GPR6: variants seen among roughly 807,000 people sequenced by gnomAD.
GPR6 encodes sphingosine 1-phosphate receptor GPR6.
In GPR6, 14 loss-of-function variants were observed where a neutral mutation model predicts 18.5. The observed-to-expected ratio is 0.76, with a 90% CI of 0.50 to 1.18. The LOEUF (loss-of-function observed/expected upper bound fraction) is 1.18, where lower values mean the gene tolerates loss of function less well. Among genes scored for constraint, GPR6 ranks in the 50% most tolerant of loss-of-function variants. The pLI, the probability that GPR6 is intolerant of heterozygous loss-of-function variation, is 0.00. For synonymous variants in GPR6, 299 were observed against 240.9 expected, an observed-to-expected ratio of 1.24 and a Z score of -2.23; for missense variants, 477 against 495.9, an observed-to-expected ratio of 0.96 and a Z score of 0.36.
In GPR6 at chr6:109,978,380, G is replaced by T. The variant is rs1199683104; in HGVS notation, c.-106G>T. On this transcript the variant is annotated 5_prime_UTR_variant, in exon 1 of 2. Transcript: ENST00000275169. Reference sequence around the variant, plus strand: ...TCCCCGGCCCGGCCGCCTCCTGCAGGCAGCTGCTCTGTTTGCGCGGGGAGC... The same window carrying T: ...TCCCCGGCCCGGCCGCCTCCTGCAGTCAGCTGCTCTGTTTGCGCGGGGAGC... The T allele has an allele frequency of 1.6e-4, 31 of 199,194 alleles. No individual in the cohort carries two copies. The highest frequency in any genetic ancestry group is 2.6e-4 in the Non-Finnish European group (26 of 99,164). The allele number at this position is 199,194 out of a possible 1,614,324, so 12.3% of individuals were successfully genotyped here.
chr6:109,979,210 C>A lies in GPR6; in HGVS notation c.98C>A (p.Thr33Lys). 1 of 1,598,714 alleles carries A rather than the reference C, an allele frequency of 6.3e-7. No individual in the cohort carries two copies. The highest frequency in any genetic ancestry group is 8.5e-7 in the Non-Finnish European group (1 of 1,176,798). The change falls in exon 2 of 2, where the codon ACG becomes AAG. Residue 33 changes from threonine (T) to lysine (K), a missense_variant. By Grantham distance (78) the Thr-to-Lys change is moderately conservative. Transcript: ENST00000275169. ...GCCACAGCAGCAGGGGGGCCGGACA[C>A]GGGCGAATGGGGACCCCCTGCTGCG... The part of the protein sequence containing the change: ...AAATAAGGPD[T>K]GEWGPPAAAA...
Position 109,980,081 on chromosome 6 carries a change from G to T in GPR6, c.969G>T (p.Met323Ile). ...TGCTGCCCGCCACCTACAACTCCAT[G>T]ATCAATCCCATCATCTATGCCTTCC... ...ATLLPATYNS[M>I]INPIIYAFRN... Residue 323 changes from methionine to isoleucine, a missense_variant, in exon 2 of 2, where the codon ATG becomes ATT. By Grantham distance (10) the Met-to-Ile change is conservative. Transcript: ENST00000275169. 6.2e-7 allele frequency: 1 copy of T among 1,614,214 alleles called. No individual in the cohort carries two copies. Among genetic ancestry groups the T allele is most frequent in the South Asian group, 1.1e-5 (1 of 91,088 alleles).
chr6:109,978,923 A>G (rs904476721), intron 1 of GPR6, 172 bp from the exon 2 acceptor site: 1 of 1,520,500 alleles, frequency 6.6e-7, no homozygotes, highest in Admixed American at 1.9e-5. Context: ...CACTCACTCA[A>G]CAGGTATTTA....
chr6:109,980,068 C>T lies in GPR6; in HGVS notation c.956C>T (p.Thr319Ile). 1 of 1,614,186 alleles carries T rather than the reference C, an allele frequency of 6.2e-7. No homozygotes were observed. The highest frequency in any genetic ancestry group is 1.1e-5 in the South Asian group (1 of 91,082). ...VYTYATLLPA[T>I]YNSMINPIIY... Reference sequence around the variant, plus strand: ...ACTTACGCCACCCTGCTGCCCGCCACCTACAACTCCATGATCAATCCCATC... The same window carrying T: ...ACTTACGCCACCCTGCTGCCCGCCATCTACAACTCCATGATCAATCCCATC... Residue 319 changes from threonine to isoleucine, a missense_variant, in exon 2 of 2, where the codon ACC becomes ATC. Physicochemically the swap from Thr to Ile is moderately conservative, Grantham distance 89 (BLOSUM62 -1). Coordinates refer to ENST00000275169, the MANE Select transcript of GPR6 (RefSeq NM_005284.5).
In GPR6 at chr6:109,979,731, T is replaced by A. The variant is rs531180073; in HGVS notation, c.619T>A (p.Trp207Arg). The change falls in exon 2 of 2, where the codon TGG becomes AGG. Residue 207 changes from tryptophan (W) to arginine (R), a missense_variant. Transcript: ENST00000275169. The part of the protein sequence containing the change: ...LGLGLLPVLG[W>R]NCLAERAACS... ...CCTGGGGCTGCTGCCCGTGCTGGGC[T>A]GGAACTGCCTGGCAGAGCGCGCCGC... 6.2e-7 allele frequency: 1 copy of A among 1,604,604 alleles called. No individual in the cohort carries two copies. Among genetic ancestry groups the A allele is most frequent in the South Asian group, 1.1e-5 (1 of 90,896 alleles).
chr6:109,978,669 G>T (rs1770998563), intron 1 of GPR6: 3 of 1,426,730 alleles, frequency 2.1e-6, no homozygotes, highest in African/African-American at 1.4e-5. Context: ...TCCAGGCTTC[G>T]CAATGCCAGA....
In GPR6 at chr6:109,980,074, A is replaced by G. The variant is rs1771051283; in HGVS notation, c.962A>G (p.Asn321Ser). Reference sequence around the variant, plus strand: ...GCCACCCTGCTGCCCGCCACCTACAACTCCATGATCAATCCCATCATCTAT... The same window carrying G: ...GCCACCCTGCTGCCCGCCACCTACAGCTCCATGATCAATCCCATCATCTAT... ...TYATLLPATY[N>S]SMINPIIYAF... is the part of the protein sequence containing the mutation. The change falls in exon 2 of 2, where the codon AAC becomes AGC. Residue 321 changes from asparagine (N) to serine (S), a missense_variant. Physicochemically the swap from Asn to Ser is conservative, Grantham distance 46. Coordinates refer to ENST00000275169, the MANE Select transcript of GPR6 (RefSeq NM_005284.5). 4.3e-6 allele frequency: 7 copies of G among 1,614,096 alleles called. No individual in the cohort carries two copies. Among genetic ancestry groups the G allele is most frequent in the East Asian group, 4.5e-5 (2 of 44,842 alleles).
chr6:109,979,846 A>G lies in GPR6; in HGVS notation c.734A>G (p.Tyr245Cys), dbSNP rs141502466. ...FMVFGIMLHLYVRICQVVWRH... is the reference protein window; with the variant it reads ...FMVFGIMLHLCVRICQVVWRH... ...GTCTTCGGCATCATGCTGCACCTGT[A>G]CGTGCGCATCTGCCAGGTGGTCTGG... Residue 245 changes from tyrosine to cysteine, a missense_variant, in exon 2 of 2, where the codon TAC becomes TGC. Transcript: ENST00000275169. The G allele has an allele frequency of 1.2e-5, 20 of 1,607,956 alleles. No individual in the cohort carries two copies. The highest frequency in any genetic ancestry group is 1.6e-5 in the Non-Finnish European group (19 of 1,179,714).
At chr6:109,978,678 GA>G in intron 1 of GPR6, 1 of 1,485,982 alleles carries the variant, frequency 6.7e-7, no homozygotes, top group Non-Finnish European at 9.0e-7. Flanking sequence ...CGCAATGCCA[GA>G]AACTTCGCTT....
Position 109,980,005 on chromosome 6 carries a change from A to G in GPR6, c.893A>G (p.Tyr298Cys). The G allele has an allele frequency of 2.5e-6, 4 of 1,613,438 alleles. No homozygotes were observed. The highest frequency in any genetic ancestry group is 3.4e-6 in the Non-Finnish European group (4 of 1,180,022). Reference protein sequence around the residue: ...FGASWLPFAIYCVVGSHEDPA... With the variant: ...FGASWLPFAICCVVGSHEDPA... ...GCCAGCTGGCTGCCCTTCGCCATCT[A>G]TTGCGTGGTGGGCAGCCATGAGGAC... The change falls in exon 2 of 2, where the codon TAT (tyrosine) becomes TGT (cysteine). Residue 298 changes from tyrosine (Y) to cysteine (C), a missense_variant. Transcript: ENST00000275169.
In GPR6 at chr6:109,980,096, C is replaced by G; in HGVS notation, c.984C>G (p.Ile328Met). Residue 328 changes from isoleucine to methionine, a missense_variant, in exon 2 of 2, where the codon ATC (isoleucine) becomes ATG (methionine). By Grantham distance (10) the Ile-to-Met change is conservative. Coordinates refer to ENST00000275169, the MANE Select transcript of GPR6 (RefSeq NM_005284.5). The part of the protein sequence containing the change: ...ATYNSMINPI[I>M]YAFRNQEIQR... The stretch of plus-strand genomic sequence containing the variant: ...ACAACTCCATGATCAATCCCATCAT[C>G]TATGCCTTCCGCAACCAGGAGATCC... The G allele has an allele frequency of 6.2e-7, 1 of 1,614,252 alleles. No individual in the cohort carries two copies. The highest frequency in any genetic ancestry group is 8.5e-7 in the Non-Finnish European group (1 of 1,180,040).
chr6:109,979,550 C>T lies in GPR6; in HGVS notation c.438C>T (p.Gly146=). 1 of 1,612,884 alleles carries T rather than the reference C, an allele frequency of 6.2e-7. No individual in the cohort carries two copies. The highest frequency in any genetic ancestry group is 1.6e-4 in the Middle Eastern group (1 of 6,062). ...PSETVSLLTV[G]FLVASFAASV... ...AGACTGTGAGTCTGCTCACGGTGGG[C>T]TTCCTCGTGGCCTCCTTCGCCGCCT... is the stretch of plus-strand genomic sequence containing the variant. Residue 146 remains glycine, a synonymous_variant, in exon 2 of 2, where the codon GGC becomes GGT. Coordinates refer to ENST00000275169, the MANE Select transcript of GPR6 (RefSeq NM_005284.5).
rs1356267628 is a variant in GPR6, at chr6:109,979,143, T to A, written c.31T>A (p.Ser11Thr). MNASAASLND[S>T]QVVVVAAEGA... Reference sequence around the variant, plus strand: ...CGCGAGCGCCGCCTCGCTCAACGACTCCCAGGTGGTGGTAGTGGCGGCCGA... The same window carrying A: ...CGCGAGCGCCGCCTCGCTCAACGACACCCAGGTGGTGGTAGTGGCGGCCGA... Residue 11 changes from serine (S) to threonine (T), a missense_variant, in exon 2 of 2, where the codon TCC becomes ACC. By Grantham distance (58) the Ser-to-Thr change is moderately conservative (BLOSUM62 1). Transcript: ENST00000275169. The A allele has an allele frequency of 1.3e-6, 2 of 1,599,802 alleles. No individual in the cohort carries two copies. Among genetic ancestry groups the A allele is most frequent in the Non-Finnish European group, 1.7e-6 (2 of 1,177,672 alleles).
rs147565478 is a variant in GPR6 at position 109,979,661 on chromosome 6, G to A, written c.549G>A (p.Leu183=). 124 of 1,611,660 alleles carry A rather than the reference G, an allele frequency of 7.7e-5. No individual in the cohort carries two copies. In the African/African-American group the frequency reaches 1.5e-3, roughly 20 times the overall value. The part of the protein sequence containing the change: ...ALTYYSRRTL[L]GVHLLLAATW... ...CCTATTACTCGCGCCGGACCCTGTTGGGCGTGCACCTCCTGCTTGCCGCCA... is the reference window on the plus strand; with the variant it reads ...CCTATTACTCGCGCCGGACCCTGTTAGGCGTGCACCTCCTGCTTGCCGCCA... Residue 183 remains leucine, a synonymous_variant, in exon 2 of 2, where the codon TTG becomes TTA. Coordinates refer to ENST00000275169, the MANE Select transcript of GPR6 (RefSeq NM_005284.5).
chr6:109,979,579 T>A lies in GPR6; in HGVS notation c.467T>A (p.Val156Asp). ...GFLVASFAAS[V>D]SSLLAITVDR... The stretch of plus-strand genomic sequence containing the variant: ...CTCGTGGCCTCCTTCGCCGCCTCTG[T>A]CAGCAGCCTGCTGGCCATTACGGTG... Residue 156 changes from valine (V) to aspartate (D), a missense_variant, in exon 2 of 2, where the codon GTC (valine) becomes GAC (aspartate). Val to Asp is a radical substitution (Grantham distance 152). Transcript: ENST00000275169. 3 of 1,612,802 alleles carry A rather than the reference T, an allele frequency of 1.9e-6. No homozygotes were observed. The highest frequency in any genetic ancestry group is 2.5e-6 in the Non-Finnish European group (3 of 1,180,008).
At position 109,978,387 on chromosome 6, in the gene GPR6, C is replaced by T. The variant is rs1410695904; in HGVS notation, c.-99C>T. On this transcript the variant is annotated 5_prime_UTR_variant, in exon 1 of 2. Coordinates refer to ENST00000275169, the MANE Select transcript of GPR6 (RefSeq NM_005284.5). ...CCCGGCCGCCTCCTGCAGGCAGCTG[C>T]TCTGTTTGCGCGGGGAGCTCAGCCC... 1.4e-5 allele frequency: 3 copies of T among 211,328 alleles called. No individual in the cohort carries two copies. In the East Asian group the frequency reaches 3.0e-4, roughly 21 times the overall value. The allele number at this position is 211,328 out of a possible 1,614,324, so 13.1% of individuals were successfully genotyped here. A position where few individuals can be genotyped will look rare whatever the true frequency, so the allele number is the denominator to read the frequency against.
At position 109,980,076 on chromosome 6, in the gene GPR6, T is replaced by A; in HGVS notation, c.964T>A (p.Ser322Thr). ...CACCCTGCTGCCCGCCACCTACAAC[T>A]CCATGATCAATCCCATCATCTATGC... ...YATLLPATYN[S>T]MINPIIYAFR... Residue 322 changes from serine to threonine, a missense_variant, in exon 2 of 2, where the codon TCC becomes ACC. By Grantham distance (58) the Ser-to-Thr change is moderately conservative. Coordinates refer to ENST00000275169, the MANE Select transcript of GPR6 (RefSeq NM_005284.5). The A allele has an allele frequency of 6.2e-7, 1 of 1,614,160 alleles. No homozygotes were observed. The highest frequency in any genetic ancestry group is 8.5e-7 in the Non-Finnish European group (1 of 1,180,008).
intron 1 of GPR6, 56 bp from the exon 2 acceptor site, chr6:109,979,039 A>T (rs1771011385): frequency 6.5e-7 from 1 of 1,536,052 alleles, no homozygotes; most frequent in Non-Finnish European, 8.7e-7. Context: ...ACGCGTGGGG[A>T]AGTTTCCTGG....
chr6:109,979,072 G>A (rs770580321), intron 1 of GPR6, 23 bp from the exon 2 acceptor site: 2 of 1,543,622 alleles, frequency 1.3e-6, no homozygotes, highest in Admixed American at 4.0e-5. Flanking sequence ...TACACCTGAC[G>A]CCTGCACTCC....
Sources: gnomAD v4.1 joint callset for allele counts on GRCh38, gnomAD v4.1.1 for gene constraint, MANE v1.5 for transcripts, NCBI Gene and HGNC (gene_info 2026-07-23, HGNC 2026-07-21) for gene names.